KCTD1: variants seen among roughly 807,000 people sequenced by gnomAD.
KCTD1 encodes potassium channel tetramerization domain containing 1.
KCTD1 carries 24 observed loss-of-function variants against 66.0 expected under a neutral mutation model. The observed-to-expected ratio is 0.36, with a 90% CI of 0.26 to 0.51. The LOEUF is 0.51. KCTD1 is among the 20% of genes least tolerant of loss of function. KCTD1 has a pLI of 0.95. For synonymous variants in KCTD1, 511 were observed against 517.2 expected (o/e 0.99, Z 0.16); for missense variants, 943 against 1,205.2 (o/e 0.78, Z 3.22).
intron 2 of KCTD1, among the ~76,000 whole-genome samples, chr18:26,487,263 T>C (rs9952569): frequency 0.13 from 19,089 of 152,216 alleles, 1,364 homozygotes; most frequent in African/African-American, 0.18. Context: ...AGCCTTGCAA[T>C]GACAAAGTCA....
At chr18:26,471,149 C>T (rs1981038578) in intron 3 of KCTD1, among the ~76,000 whole-genome samples, 1 of 152,094 alleles carries the variant, frequency 6.6e-6, no homozygotes, top group Non-Finnish European at 1.5e-5. Flanking sequence ...TATACAGCCC[C>T]CCCAGGTCTC....
At chr18:26,492,155 T>C (rs970059887) in intron 2 of KCTD1, among the ~76,000 whole-genome samples, 7 of 152,114 alleles carry the variant, frequency 4.6e-5, no homozygotes, top group Non-Finnish European at 1.0e-4. Flanking sequence ...GATGGGAGGA[T>C]TGCTTGAGCC....
chr18:26,461,751 C>T (rs1337487936), intron 3 of KCTD1, among the ~76,000 whole-genome samples: 1 of 152,200 alleles, frequency 6.6e-6, no homozygotes, highest in Admixed American at 6.5e-5. Context: ...AGAACTTATG[C>T]TATTGCTTTT....
At chr18:26,553,328 C>T (rs1985622953), upstream of KCTD1, among the ~76,000 whole-genome samples, 1 of 152,146 alleles carries the variant, frequency 6.6e-6, no homozygotes, top group African/African-American at 2.4e-5. Flanking sequence ...AAATTGAACC[C>T]ATGTCATCTA....
At chr18:26,461,072 G>A (rs771831415) in intron 3 of KCTD1, among the ~76,000 whole-genome samples, 22 of 152,218 alleles carry the variant, frequency 1.4e-4, no homozygotes, top group Non-Finnish European at 2.5e-4. Flanking sequence ...CATGTGGTCC[G>A]AGTGCCTCAA....
intron 1 of KCTD1, among the ~76,000 whole-genome samples, chr18:26,518,231 T>C (rs1398810705): frequency 6.6e-6 from 1 of 152,218 alleles, no homozygotes; most frequent in Non-Finnish European, 1.5e-5. Flanking sequence ...ATATGAAATA[T>C]TAGAAAACAC....
chr18:26,483,166 C>T (rs959760703), intron 2 of KCTD1, among the ~76,000 whole-genome samples: 21 of 152,184 alleles, frequency 1.4e-4, no homozygotes, highest in Admixed American at 4.6e-4. Context: ...AAAGTATAGA[C>T]GGTGAAGGAG....
intron 1 of KCTD1, among the ~76,000 whole-genome samples, chr18:26,570,328 G>A (rs887307960): frequency 1.3e-4 from 20 of 151,856 alleles, no homozygotes; most frequent in Non-Finnish European, 2.1e-4. Context: ...TATTTTGTCC[G>A]AGGATGTTCC....
intron 1 of KCTD1, among the ~76,000 whole-genome samples, chr18:26,535,111 G>GT (rs11376459): frequency 0.54 from 59,021 of 108,432 alleles, 15,135 homozygotes; most frequent in East Asian, 0.7. Context: ...TGGGGTTGGG[G>GT]GGTGGGGGTG....
At chr18:26,645,384 G>C (rs1463828865) in intron 1 of KCTD1, among the ~76,000 whole-genome samples, 1 of 152,082 alleles carries the variant, frequency 6.6e-6, no homozygotes, top group Non-Finnish European at 1.5e-5. Flanking sequence ...TGAGTAGCTA[G>C]GATTACAGGC....
chr18:26,655,936 T>C (rs1988125322), intron 1 of KCTD1: 1 of 152,214 alleles, frequency 6.6e-6, no homozygotes, highest in Non-Finnish European at 1.5e-5. Context: ...CCCCACCCCG[T>C]TCTTTTTCCA....
intron 1 of KCTD1, among the ~76,000 whole-genome samples, chr18:26,608,810 TC>T (rs2144987734): frequency 6.6e-6 from 1 of 152,374 alleles, no homozygotes; most frequent in East Asian, 1.9e-4. Context: ...TTCTGCAAGT[TC>T]TGATTTCATC....
At position 26,548,133 on chromosome 18, in the gene KCTD1, G is replaced by T; in HGVS notation, c.404C>A (p.Ala135Glu). ...MDQSAALEPEAPPRLLAPRAR... is the reference protein window; with the variant it reads ...MDQSAALEPEEPPRLLAPRAR... ...CCGGGGCGCCAGCAGTCGCGGCGGC[G>T]CCTCGGGCTCCAGCGCGGCGCTCTG... The change falls in exon 1 of 5, where the codon GCG (alanine) becomes GAG (glutamate). Residue 135 changes from alanine (A) to glutamate (E), a missense_variant. By Grantham distance (107) the Ala-to-Glu change is moderately radical. Coordinates refer to ENST00000580059, the MANE Select transcript of KCTD1 (RefSeq NM_001142730.3). The T allele has an allele frequency of 7.6e-7, 1 of 1,322,952 alleles. No individual in the cohort carries two copies. The highest frequency in any genetic ancestry group is 9.6e-7 in the Non-Finnish European group (1 of 1,044,806). The allele number at this position is 1,322,952 out of a possible 1,614,324, so 82.0% of individuals were successfully genotyped here. A position where few individuals can be genotyped will look rare whatever the true frequency, so the allele number is the denominator to read the frequency against.
rs1189424518 is a variant in KCTD1, at chr18:26,548,067, G to A, written c.470C>T (p.Pro157Leu). The A allele has an allele frequency of 6.7e-7, 1 of 1,491,816 alleles. No individual in the cohort carries two copies. Among genetic ancestry groups the A allele is most frequent in the African/African-American group, 1.4e-5 (1 of 72,230 alleles). The allele number at this position is 1,491,816 out of a possible 1,614,324, so 92.4% of individuals were successfully genotyped here. The part of the protein sequence containing the change: ...GPPGDGSELD[P>L]DVLQRPERAR... ...CCGCTCGGGGCGCTGCAGCACGTCG[G>A]GGTCCAGCTCGGAGCCGTCCCCGGG... Residue 157 changes from proline to leucine, a missense_variant, in exon 1 of 5, where the codon CCC (proline) becomes CTC (leucine). Pro to Leu is a moderately conservative substitution (Grantham distance 98, BLOSUM62 -3). Coordinates refer to ENST00000580059, the MANE Select transcript of KCTD1 (RefSeq NM_001142730.3).
chr18:26,471,554 G>T (rs1981061753), intron 3 of KCTD1, among the ~76,000 whole-genome samples: 1 of 152,062 alleles, frequency 6.6e-6, no homozygotes, highest in African/African-American at 2.4e-5. Flanking sequence ...CATGGTCAGG[G>T]ATGGGGTAGG....
At chr18:26,657,267 A>G in intron 1 of KCTD1, 1 of 923,556 alleles carries the variant, frequency 1.1e-6, no homozygotes, top group Non-Finnish European at 1.3e-6. Context: ...CTCTCGCCCC[A>G]TGCCTGGCAC....
chr18:26,552,298 C>T (rs1233755033), upstream of KCTD1, among the ~76,000 whole-genome samples: 2 of 152,084 alleles, frequency 1.3e-5, no homozygotes, highest in Non-Finnish European at 1.5e-5. Flanking sequence ...TTTTTGCTTC[C>T]AGTTTTCTGA....
At chr18:26,498,876 G>A (rs902040728) in intron 2 of KCTD1, among the ~76,000 whole-genome samples, 5 of 152,022 alleles carry the variant, frequency 3.3e-5, no homozygotes, top group South Asian at 2.1e-4. Flanking sequence ...AATATATAGC[G>A]CCAGAATAAT....
intron 1 of KCTD1, among the ~76,000 whole-genome samples, chr18:26,562,209 T>C (rs1470080082): frequency 1.3e-5 from 2 of 152,080 alleles, no homozygotes; most frequent in Non-Finnish European, 2.9e-5. Flanking sequence ...CCACTTCCAC[T>C]GAAGCACCAA....
Sources: allele counts gnomAD v4.1 joint callset (sites outside exome capture counted in the v4.1 genomes callset), GRCh38; gene constraint gnomAD v4.1.1; transcripts MANE v1.5; gene names NCBI Gene and HGNC (gene_info 2026-07-23, HGNC 2026-07-21).